The following AIRE variants were observed in gnomAD, a reference collection of about 807,000 sequenced individuals.
The protein encoded by AIRE is autoimmune regulator.
In AIRE, 52 loss-of-function variants were observed where a neutral mutation model predicts 62.1. The ratio of observed to expected loss-of-function variants is 0.84; its 90% CI spans 0.67 to 1.06. The LOEUF (loss-of-function observed/expected upper bound fraction) is 1.06. AIRE is among the 50% of genes least tolerant of loss of function. The pLI is 0.00. For missense variants in AIRE, 774 were observed against 755.8 expected, an observed-to-expected ratio of 1.02 and a Z score of -0.28; for synonymous variants, 342 against 321.6, an observed-to-expected ratio of 1.06 and a Z score of -0.68.
chr21:44,297,173 G>T lies in AIRE; in HGVS notation c.1567-483G>T, dbSNP rs77919387. Reference sequence around the variant, plus strand: ...AGCTGCCCCTCTGGATGGGGTCCCCGGGTATAGCTGGAGAAATGAGCGACG... The same window carrying T: ...AGCTGCCCCTCTGGATGGGGTCCCCTGGTATAGCTGGAGAAATGAGCGACG... On this transcript the variant is annotated intron_variant, in intron 13 of 13. Transcript: ENST00000291582. This position sits in a 1 kb window ranked among gnomAD's most constrained non-coding sequence, Gnocchi z 4.8. Among the ~76,000 whole-genome samples, 1,268 of 152,322 alleles carry T rather than the reference G, an allele frequency of 8.3e-3. 22 individuals carry two copies. The highest frequency in any genetic ancestry group is 0.029 in the African/African-American group (1,195 of 41,572).
chr21:44,288,687 C>T, intron 5 of AIRE: 1 of 546,760 alleles, frequency 1.8e-6, no homozygotes. Flanking sequence ...CACATCCCCA[C>T]CCGGGATGTA....
intron 11 of AIRE, among the ~76,000 whole-genome samples, chr21:44,294,115 C>CA (rs1296180621): frequency 7.0e-6 from 1 of 143,710 alleles, no homozygotes; most frequent in African/African-American, 2.7e-5. Context: ...CCCCCACCCA[C>CA]ACCCTACTCC....
chr21:44,296,147 A>G (rs2040604571), intron 12 of AIRE, among the ~76,000 whole-genome samples: 1 of 152,082 alleles, frequency 6.6e-6, no homozygotes, highest in South Asian at 2.1e-4. Context: ...GAGGCCACAC[A>G]GTGTGGAGGC....
chr21:44,295,022 C>T lies in AIRE; in HGVS notation c.1503+519C>T, dbSNP rs556979140. On this transcript the variant is annotated intron_variant, in intron 12 of 13. Coordinates refer to ENST00000291582, the MANE Select transcript of AIRE (RefSeq NM_000383.4). ...AGAGGACCTGGGTGGCGCGGAGACCCCTGACTGCTGGGGCGGCTGGGCTTG... is the reference window on the plus strand; with the variant it reads ...AGAGGACCTGGGTGGCGCGGAGACCTCTGACTGCTGGGGCGGCTGGGCTTG... 8.5e-5 allele frequency among the ~76,000 whole-genome samples: 13 copies of T among 152,314 alleles called. No individual in the cohort carries two copies. In the South Asian group the frequency reaches 2.7e-3, roughly 32 times the overall value.
chr21:44,289,862 C>T lies in AIRE; in HGVS notation c.798+60C>T, dbSNP rs1056051034. 9.9e-6 allele frequency: 16 copies of T among 1,610,256 alleles called. No individual in the cohort carries two copies. The East Asian group carries it at 1.6e-4, about 16-fold the overall frequency. ...TTGATGCCCCCCGCCCCAGGAACAG[C>T]GTTGCCTCTGGGGGAGTGGCTCTGC... On this transcript the variant is annotated intron_variant, in intron 6 of 13. Transcript: ENST00000291582.
chr21:44,289,909 G>A (rs934585445), intron 6 of AIRE, 79 bp from the exon 7 acceptor site: 98 of 1,601,202 alleles, frequency 6.1e-5, no homozygotes, highest in East Asian at 3.1e-4. Flanking sequence ...GGCTGCTGCC[G>A]AGAGACGCCT....
chr21:44,288,112 A>C lies in AIRE; in HGVS notation c.539-233A>C, dbSNP rs112571191. ...TATCCATTGTGCCAGCTCTGCTGAC[A>C]CTGCCACCCCCCAGCACACGCACAC... is the stretch of plus-strand genomic sequence containing the variant. On this transcript the variant is annotated intron_variant, in intron 4 of 13. Coordinates refer to ENST00000291582, the MANE Select transcript of AIRE (RefSeq NM_000383.4). Among the ~76,000 whole-genome samples, 438 of 146,900 alleles carry C rather than the reference A, an allele frequency of 3.0e-3. 2 individuals carry two copies. The highest frequency in any genetic ancestry group is 0.011 in the African/African-American group (413 of 37,070).
chr21:44,290,522 CTTAGCAGTGACAGGAGCCAG>C, intron 7 of AIRE: 19 of 895,824 alleles, frequency 2.1e-5, no homozygotes, highest in Non-Finnish European at 2.4e-5. Context: ...GGCCCTGGCA[CTTAGCAGTGACAGGAGCCAG>C]TCCTGCCCTG....
rs1306905870 is a variant in AIRE, at chr21:44,297,922, C to G, written c.*195C>G. ...CTGGAAATTAAACCCTGCCCCACTT[C>G]TCTACTCTGGAAGTCCCCGGGAGCC... On this transcript the variant is annotated 3_prime_UTR_variant, in exon 14 of 14. Transcript: ENST00000291582. This position sits in a 1 kb window ranked among gnomAD's most constrained non-coding sequence, Gnocchi z 4.8. 7 of 618,100 alleles carry G rather than the reference C, an allele frequency of 1.1e-5. No individual in the cohort carries two copies. Among genetic ancestry groups the G allele is most frequent in the African/African-American group, 1.8e-5 (1 of 54,914 alleles). 38.3% of individuals were successfully genotyped at this position (618,100 alleles called of 1,614,324 possible).
At chr21:44,289,518 T>TAAAAAAAAAA in intron 5 of AIRE, 139 bp from the exon 6 acceptor site, 48 of 1,228,854 alleles carry the variant, frequency 3.9e-5, no homozygotes, top group African/African-American at 2.6e-4. Context: ...CAGACTCGAC[T>TAAAAAAAAAA]GGGGTGGGGG....
chr21:44,287,421 C>T lies in AIRE; in HGVS notation c.464-96C>T. Reference sequence around the variant, plus strand: ...GGCAAAGGGACTACCCAGCACTGGACCGCCCCCTCCACGCCCTCCCACCGC... The same window carrying T: ...GGCAAAGGGACTACCCAGCACTGGATCGCCCCCTCCACGCCCTCCCACCGC... On this transcript the variant is annotated intron_variant, in intron 3 of 13. Coordinates refer to ENST00000291582, the MANE Select transcript of AIRE (RefSeq NM_000383.4). The surrounding 1 kb of genome is among the most constrained non-coding windows in gnomAD (Gnocchi z 4.3). 1.2e-6 allele frequency: 1 copy of T among 869,156 alleles called. No individual in the cohort carries two copies. The highest frequency in any genetic ancestry group is 1.9e-6 in the Non-Finnish European group (1 of 533,620). The allele number at this position is 869,156 out of a possible 1,614,324, so 53.8% of individuals were successfully genotyped here.
chr21:44,287,450 C>A lies in AIRE; in HGVS notation c.464-67C>A. The A allele has an allele frequency of 8.5e-7, 1 of 1,174,986 alleles. No individual in the cohort carries two copies. The highest frequency in any genetic ancestry group is 1.3e-5 in the South Asian group (1 of 76,064). 72.8% of individuals were successfully genotyped at this position (1,174,986 alleles called of 1,614,324 possible). On this transcript the variant is annotated intron_variant, in intron 3 of 13. Coordinates refer to ENST00000291582, the MANE Select transcript of AIRE (RefSeq NM_000383.4). The surrounding 1 kb of genome is among the most constrained non-coding windows in gnomAD (Gnocchi z 4.3). ...CCCCTCCACGCCCTCCCACCGCGGG[C>A]CCCTGCCCACCGGCACTCACCCCCA... is the stretch of plus-strand genomic sequence containing the variant.
chr21:44,293,487 C>A (rs1386791736), intron 10 of AIRE, among the ~76,000 whole-genome samples: 1 of 152,070 alleles, frequency 6.6e-6, no homozygotes, highest in African/African-American at 2.4e-5. Context: ...CCTGTGGGCA[C>A]CGCCTTTCAG....
intron 12 of AIRE, among the ~76,000 whole-genome samples, chr21:44,294,866 C>A (rs2040589427): frequency 6.6e-6 from 1 of 152,056 alleles, no homozygotes; most frequent in African/African-American, 2.4e-5. Context: ...TCTGACCCCT[C>A]CAGGTTGTCT....
rs179363877 is a variant in AIRE, at chr21:44,286,053, C to T, written c.47C>T (p.Thr16Met). The T allele has an allele frequency of 6.5e-6, 10 of 1,540,734 alleles. No homozygotes were observed. The highest frequency in any genetic ancestry group is 1.2e-5 in the South Asian group (1 of 83,976). Residue 16 changes from threonine (T) to methionine (M), a missense_variant, in exon 1 of 14, where the codon ACG becomes ATG. Thr to Met is a moderately conservative substitution (Grantham distance 81). Transcript: ENST00000291582. The surrounding 1 kb of genome is among the most constrained non-coding windows in gnomAD (Gnocchi z 6.0). ...CGCCGGCTTCTGAGGCTGCACCGCA[C>T]GGAGATCGCGGTGGCCGTGGACAGC... Reference protein sequence around the residue: ...ALRRLLRLHRTEIAVAVDSAF... With the variant: ...ALRRLLRLHRMEIAVAVDSAF...
rs1288525660 is a variant in AIRE at position 44,293,890 on chromosome 21, A to C, written c.1380A>C (p.Pro460=). ...AAAFHWRCHF[P]AGTSRPGTGL... is the part of the protein sequence containing the mutation. Reference sequence around the variant, plus strand: ...CCTTCCACTGGCGCTGCCACTTCCCAGCCGGCACCTCCCGGCCCGGGTGAG... The same window carrying C: ...CCTTCCACTGGCGCTGCCACTTCCCCGCCGGCACCTCCCGGCCCGGGTGAG... Residue 460 remains proline (P), a synonymous_variant, in exon 11 of 14, where the codon CCA becomes CCC. Coordinates refer to ENST00000291582, the MANE Select transcript of AIRE (RefSeq NM_000383.4). The C allele has an allele frequency of 1.3e-6, 2 of 1,596,582 alleles. No individual in the cohort carries two copies. The highest frequency in any genetic ancestry group is 2.7e-5 in the African/African-American group (2 of 74,746).
chr21:44,296,404 C>T lies in AIRE; in HGVS notation c.1525C>T (p.Pro509Ser), dbSNP rs999281375. ...PAKDDTASHE[P>S]ALHRDDLESL... ...CCAGGATGACACTGCCAGTCACGAG[C>T]CCGCTCTGCACAGGGATGACCTGGA... Residue 509 changes from proline to serine, a missense_variant, in exon 13 of 14, where the codon CCC becomes TCC. Around this residue, in one of 3 missense-constraint regions of AIRE, gnomAD observed 354 missense variants for 296.1 expected, o/e 1.20. Transcript: ENST00000291582. 1 of 1,612,590 alleles carries T rather than the reference C, an allele frequency of 6.2e-7. No individual in the cohort carries two copies. The highest frequency in any genetic ancestry group is 8.5e-7 in the Non-Finnish European group (1 of 1,179,826).
chr21:44,291,391 G>T (rs931103650), intron 8 of AIRE, among the ~76,000 whole-genome samples, 181 bp downstream of exon 8: 2 of 152,150 alleles, frequency 1.3e-5, no homozygotes, highest in Admixed American at 6.5e-5. Flanking sequence ...CCTGCCTCCC[G>T]GTCTGGCCAC....
rs1164483879 is a variant in AIRE, at chr21:44,294,455, G to A, written c.1455G>A (p.Glu485=). 6.4e-7 allele frequency: 1 copy of A among 1,566,890 alleles called. No individual in the cohort carries two copies. Among genetic ancestry groups the A allele is most frequent in the Admixed American group, 1.8e-5 (1 of 56,042 alleles). ...GAGACGTGACCCCAGCCCCTGTGGA[G>A]GGGGTGCTGGCCCCCAGCCCCGCCC... ...CSGDVTPAPV[E]GVLAPSPARL... is the part of the protein sequence containing the mutation. Residue 485 remains glutamate (E), a synonymous_variant, in exon 12 of 14, where the codon GAG becomes GAA. Coordinates refer to ENST00000291582, the MANE Select transcript of AIRE (RefSeq NM_000383.4).
Sources: allele counts gnomAD v4.1 joint callset (sites outside exome capture counted in the v4.1 genomes callset), GRCh38; gene constraint gnomAD v4.1.1; regional missense constraint gnomAD v4.1.1; non-coding constraint Gnocchi (gnomAD v3.1); transcripts MANE v1.5; gene names NCBI Gene and HGNC (gene_info 2026-07-23, HGNC 2026-07-21).